The following RELCH variants were observed in gnomAD, a reference collection of about 807,000 sequenced individuals.
RELCH encodes the protein RAB11-binding protein RELCH.
Under a neutral mutation model 150.3 loss-of-function variants are expected in RELCH, and 41 were observed. That is an observed-to-expected ratio of 0.27 (90% CI 0.21 to 0.35). The LOEUF is 0.35. Ranked by LOEUF, RELCH falls within the 10% of genes least tolerant of loss-of-function variation. The probability of loss-of-function intolerance (pLI) is 1.00; values close to 1 mark genes in which losing one functional copy is unlikely to be tolerated. For synonymous variants in RELCH, 478 were observed against 531.8 expected (o/e 0.90, Z 1.39); for missense variants, 1,092 against 1,467.8 (o/e 0.74, Z 4.18).
chr18:62,206,244 T>A (rs1477992306), intron 1 of RELCH, among the ~76,000 whole-genome samples: 1 of 152,208 alleles, frequency 6.6e-6, no homozygotes, highest in Admixed American at 6.5e-5. Flanking sequence ...GAGATGGGTT[T>A]TCACCATGTT....
Position 62,258,001 on chromosome 18 carries a change from A to G in RELCH, c.1950A>G (p.Glu650=). 1 of 1,608,376 alleles carries G rather than the reference A, an allele frequency of 6.2e-7. No individual in the cohort carries two copies. Among genetic ancestry groups the G allele is most frequent in the Non-Finnish European group, 8.5e-7 (1 of 1,177,060 alleles). The change falls in exon 14 of 29, where the codon GAA becomes GAG. Residue 650 remains glutamate (E), a synonymous_variant. Coordinates refer to ENST00000644646, the MANE Select transcript of RELCH (RefSeq NM_001346231.2). ...CAATGTTGCAACAAATGTTAATGGAAGATAAGGCAGATTTGGTAAGAGAAG... is the reference window on the plus strand; with the variant it reads ...CAATGTTGCAACAAATGTTAATGGAGGATAAGGCAGATTTGGTAAGAGAAG... ...VLSMLQQMLM[E]DKADLVREAV...
rs576287923 is a variant in RELCH at position 62,254,268 on chromosome 18, TTCTC to T, written c.1825-1136_1825-1133del. 9.8e-4 allele frequency among the ~76,000 whole-genome samples: 149 copies of T among 152,262 alleles called. 1 individual carries two copies. Among genetic ancestry groups the T allele is most frequent in the African/African-American group, 3.5e-3 (146 of 41,580 alleles). ...TTCCATGCATTGGGTCTTTTAAAATTTCTCTCAACAGTAATTTGTATTTTTCCGA... is the reference window on the plus strand; with the variant it reads ...TTCCATGCATTGGGTCTTTTAAAATTTCAACAGTAATTTGTATTTTTCCGA... On this transcript the variant is annotated intron_variant, in intron 12 of 28. Transcript: ENST00000644646.
intron 5 of RELCH, among the ~76,000 whole-genome samples, chr18:62,226,474 T>G (rs994755028): frequency 2.0e-5 from 3 of 152,104 alleles, no homozygotes; most frequent in African/African-American, 7.2e-5. Flanking sequence ...CAGATTAAAT[T>G]GTTTCCCTAC....
At chr18:62,277,887 A>T in intron 22 of RELCH, 4 of 932,956 alleles carry the variant, frequency 4.3e-6, no homozygotes, top group Non-Finnish European at 5.1e-6. Context: ...AAGGAAATTG[A>T]ACATGTAACA....
At chr18:62,258,222 T>G (rs1835095110) in intron 14 of RELCH, 134 bp downstream of exon 14, 1 of 837,056 alleles carries the variant, frequency 1.2e-6, no homozygotes. Context: ...CATCTGGGGA[T>G]GGCTGCCTGG....
intron 15 of RELCH, among the ~76,000 whole-genome samples, chr18:62,261,155 G>A (rs573284929): frequency 4.6e-5 from 7 of 151,938 alleles, no homozygotes; most frequent in Admixed American, 1.3e-4. Context: ...ATGGTACCCC[G>A]TAATATGTAC....
chr18:62,256,684 C>CT (rs1339637827), intron 13 of RELCH, among the ~76,000 whole-genome samples: 1 of 152,116 alleles, frequency 6.6e-6, no homozygotes, highest in East Asian at 1.9e-4. Context: ...GTGTTCATGA[C>CT]TTAAATAGAG....
chr18:62,293,717 T>A (rs2045270554), intron 27 of RELCH, among the ~76,000 whole-genome samples: 1 of 152,030 alleles, frequency 6.6e-6, no homozygotes, highest in Non-Finnish European at 1.5e-5. Flanking sequence ...ATTTTTAAAA[T>A]AATAATAATT....
chr18:62,220,581 A>T (rs2040802822), intron 2 of RELCH, among the ~76,000 whole-genome samples: 1 of 145,982 alleles, frequency 6.9e-6, no homozygotes, highest in African/African-American at 2.6e-5. Flanking sequence ...TAACTTTTGT[A>T]AAAAAAAAAT....
chr18:62,275,207 G>A (rs1036146464), intron 21 of RELCH, among the ~76,000 whole-genome samples, 167 bp from the exon 22 acceptor site: 8 of 152,126 alleles, frequency 5.3e-5, no homozygotes, highest in Admixed American at 2.0e-4. Flanking sequence ...GAGCCACTGC[G>A]CCTAGCCGAG....
intron 1 of RELCH, among the ~76,000 whole-genome samples, chr18:62,204,278 A>C (rs1166186419): frequency 6.6e-6 from 1 of 152,198 alleles, no homozygotes; most frequent in East Asian, 1.9e-4. Flanking sequence ...TTTATTTTAA[A>C]GAACTGGAAA....
intron 25 of RELCH, 128 bp downstream of exon 25, chr18:62,282,572 A>C: frequency 1.2e-6 from 1 of 861,712 alleles, no homozygotes; most frequent in Non-Finnish European, 1.9e-6. Flanking sequence ...GTGTACTGAA[A>C]GCCTTGTGTA....
intron 8 of RELCH, among the ~76,000 whole-genome samples, chr18:62,230,437 T>TA (rs1192512893): frequency 1.3e-5 from 2 of 152,090 alleles, no homozygotes; most frequent in East Asian, 3.9e-4. Context: ...TCATAGAAAT[T>TA]ACTGAGCTCC....
intron 28 of RELCH, among the ~76,000 whole-genome samples, chr18:62,303,061 A>G (rs2045735290): frequency 1.3e-5 from 2 of 152,082 alleles, no homozygotes; most frequent in Non-Finnish European, 2.9e-5. Context: ...ACAAGTCTTT[A>G]TCATCTGGTA....
intron 1 of RELCH, among the ~76,000 whole-genome samples, chr18:62,189,247 G>A (rs1248072600): frequency 6.8e-6 from 1 of 146,648 alleles, no homozygotes; most frequent in Non-Finnish European, 1.5e-5. Flanking sequence ...GTGTGGTGGT[G>A]GGTCTTTTTT....
At chr18:62,280,176 C>T (rs1398419630) in intron 23 of RELCH, 1 of 602,848 alleles carries the variant, frequency 1.7e-6, no homozygotes, top group African/African-American at 1.9e-5. Context: ...CTCCTAATCT[C>T]ACTAACAGGT....
chr18:62,229,811 AG>A (rs1490965194), intron 8 of RELCH, among the ~76,000 whole-genome samples: 4 of 152,034 alleles, frequency 2.6e-5, no homozygotes, highest in Non-Finnish European at 4.4e-5. Context: ...ACAGTGCTTT[AG>A]GGGAACAAAG....
intron 18 of RELCH, 94 bp downstream of exon 18, chr18:62,264,946 T>G: frequency 5.0e-6 from 5 of 1,003,466 alleles, no homozygotes; most frequent in African/African-American, 1.6e-5. Context: ...CATGAACCAT[T>G]CTTTTATCTA....
At chr18:62,222,448 G>A (rs140450762) in intron 5 of RELCH, among the ~76,000 whole-genome samples, 125 of 151,894 alleles carry the variant, frequency 8.2e-4, no homozygotes, top group African/African-American at 2.9e-3. Flanking sequence ...GAAAGATTTT[G>A]AATATGTGAG....
Sources: gnomAD v4.1 joint callset for allele counts (sites outside exome capture counted in the v4.1 genomes callset) on GRCh38, gnomAD v4.1.1 for gene constraint, MANE v1.5 for transcripts, NCBI Gene and HGNC (gene_info 2026-07-23, HGNC 2026-07-21) for gene names.